Variants in ROBO2 observed in about 807,000 individuals in gnomAD.
ROBO2 encodes roundabout homolog 2.
Under a neutral mutation model 160.8 loss-of-function variants are expected in ROBO2, and 53 were observed. That is an observed-to-expected ratio of 0.33 (90% confidence interval 0.26 to 0.41). The LOEUF is 0.41. ROBO2 is among the 10% of genes least tolerant of loss of function. The pLI, the probability that ROBO2 is intolerant of heterozygous loss-of-function variation, is 1.00. For synonymous variants in ROBO2, 664 were observed against 611.7 expected, an observed-to-expected ratio of 1.09 and a Z score of -1.26; for missense variants, 1,577 against 1,722.4, an observed-to-expected ratio of 0.92 and a Z score of 1.49.
At chr3:77,376,471 T>C (rs1439571860) in intron 2 of ROBO2, among the ~76,000 whole-genome samples, 2 of 152,084 alleles carry the variant, frequency 1.3e-5, no homozygotes, top group East Asian at 3.9e-4. Context: ...CTTTCATTTT[T>C]TAAAAATTTA....
intron 2 of ROBO2, among the ~76,000 whole-genome samples, chr3:76,738,088 C>A (rs2093743792): frequency 6.6e-6 from 1 of 151,774 alleles, no homozygotes; most frequent in African/African-American, 2.4e-5. Flanking sequence ...GAGCCGTGAT[C>A]GCAACACTGC....
At chr3:76,049,383 G>GTGTGTGTA (rs1440395230) in intron 2 of ROBO2, among the ~76,000 whole-genome samples, 6 of 36,822 alleles carry the variant, frequency 1.6e-4, no homozygotes, top group African/African-American at 4.5e-4. Context: ...GCTAATTTTA[G>GTGTGTGTA]TATATATATA....
chr3:76,129,578 A>T (rs1330751552), intron 2 of ROBO2, among the ~76,000 whole-genome samples: 1 of 152,168 alleles, frequency 6.6e-6, no homozygotes, highest in Non-Finnish European at 1.5e-5. Flanking sequence ...GAGAGCTCTT[A>T]TTAGTCCCAT....
intron 1 of ROBO2, among the ~76,000 whole-genome samples, chr3:77,063,406 G>T (rs1314307947): frequency 6.6e-6 from 1 of 152,190 alleles, no homozygotes; most frequent in Non-Finnish European, 1.5e-5. Flanking sequence ...CAAAGTGTGT[G>T]AAAAGGGGGT....
At chr3:76,637,076 T>TG (rs140627352) in intron 2 of ROBO2, among the ~76,000 whole-genome samples, 2,634 of 151,948 alleles carry the variant, frequency 0.017, 83 homozygotes, top group African/African-American at 0.058. Context: ...GTGAAATAAA[T>TG]GGGGGGCCTT....
At chr3:76,963,986 C>T (rs367937760) in intron 2 of ROBO2, among the ~76,000 whole-genome samples, 28 of 152,096 alleles carry the variant, frequency 1.8e-4, no homozygotes, top group Admixed American at 4.6e-4. Flanking sequence ...GAACTCAAGG[C>T]TAATTACAGA....
chr3:75,924,183 C>T (rs1325656715), intron 1 of ROBO2, among the ~76,000 whole-genome samples: 3 of 152,028 alleles, frequency 2.0e-5, no homozygotes, highest in Non-Finnish European at 4.4e-5. Context: ...TGTTGTCAGG[C>T]AGCATGGGAG....
intron 5 of ROBO2, among the ~76,000 whole-genome samples, chr3:77,519,389 T>C (rs1435632000): frequency 6.6e-6 from 1 of 151,342 alleles, no homozygotes; most frequent in Non-Finnish European, 1.5e-5. Flanking sequence ...TGGAGGTACA[T>C]GTAAAGGTTT....
chr3:76,261,058 TA>T (rs1438058585), intron 2 of ROBO2, among the ~76,000 whole-genome samples: 1 of 152,048 alleles, frequency 6.6e-6, no homozygotes, highest in East Asian at 1.9e-4. Flanking sequence ...AACAACTAGA[TA>T]ATTGTATGAT....
At chr3:76,323,786 A>G (rs182138325) in intron 2 of ROBO2, among the ~76,000 whole-genome samples, 1 of 152,304 alleles carries the variant, frequency 6.6e-6, no homozygotes, top group Non-Finnish European at 1.5e-5. Context: ...AATTTTTCAT[A>G]TGTATCTTCA....
chr3:76,305,470 A>G (rs913538003), intron 2 of ROBO2, among the ~76,000 whole-genome samples: 24 of 150,688 alleles, frequency 1.6e-4, no homozygotes, highest in Admixed American at 8.6e-4. Context: ...GATGGCTACA[A>G]GAATCATCGG....
intron 2 of ROBO2, among the ~76,000 whole-genome samples, chr3:77,270,705 G>A (rs1247449523): frequency 1.3e-5 from 2 of 152,152 alleles, no homozygotes; most frequent in African/African-American, 2.4e-5. Context: ...AGCACTTTGG[G>A]AGGCCAAGGT....
intron 2 of ROBO2, among the ~76,000 whole-genome samples, chr3:76,079,380 G>A (rs958481639): frequency 7.9e-5 from 12 of 151,724 alleles, no homozygotes; most frequent in Admixed American, 3.9e-4. Flanking sequence ...ATTAAACATT[G>A]TATGTGTGTA....
At chr3:76,428,502 G>A (rs1464777188) in intron 2 of ROBO2, among the ~76,000 whole-genome samples, 1 of 151,882 alleles carries the variant, frequency 6.6e-6, no homozygotes, top group African/African-American at 2.4e-5. Flanking sequence ...GATTTTCACT[G>A]ATAAAAGGAG....
intron 2 of ROBO2, among the ~76,000 whole-genome samples, chr3:76,335,617 G>A (rs1289793918): frequency 6.0e-5 from 9 of 149,096 alleles, no homozygotes; most frequent in South Asian, 2.1e-4. Flanking sequence ...TCGCTCTGTC[G>A]CCCAGGCTGG....
At chr3:76,870,043 A>G (rs946262557) in intron 2 of ROBO2, among the ~76,000 whole-genome samples, 4 of 152,076 alleles carry the variant, frequency 2.6e-5, no homozygotes, top group Admixed American at 1.3e-4. Flanking sequence ...GACCTATTGC[A>G]TGAGAGTGGA....
intron 2 of ROBO2, among the ~76,000 whole-genome samples, chr3:76,250,961 C>A (rs1705954776): frequency 6.6e-6 from 1 of 151,920 alleles, no homozygotes; most frequent in Non-Finnish European, 1.5e-5. Context: ...CTGTGTAAAT[C>A]CCAGAAACTA....
chr3:76,084,306 T>G (rs147411600), intron 2 of ROBO2, among the ~76,000 whole-genome samples: 3 of 152,146 alleles, frequency 2.0e-5, no homozygotes, highest in African/African-American at 7.2e-5. Flanking sequence ...TAAGGTGGAG[T>G]TGCTTAGTCT....
chr3:77,621,214 C>G (rs563774351), intron 22 of ROBO2, among the ~76,000 whole-genome samples: 3 of 152,028 alleles, frequency 2.0e-5, no homozygotes, highest in Non-Finnish European at 4.4e-5. Context: ...TTGCTTAAGC[C>G]CAGGAGTTTC....
Sources: gnomAD v4.1 joint callset for allele counts (sites outside exome capture counted in the v4.1 genomes callset) on GRCh38, gnomAD v4.1.1 for gene constraint, MANE v1.5 for transcripts, NCBI Gene and HGNC (gene_info 2026-07-23, HGNC 2026-07-21) for gene names.